The following NIPBL variants were observed in gnomAD, a reference collection of about 807,000 sequenced individuals.
NIPBL encodes nipped-B-like protein.
Under a neutral mutation model 321.8 loss-of-function variants are expected in NIPBL, and 19 were observed. That is an observed-to-expected ratio of 0.06 (90% confidence interval 0.04 to 0.09). NIPBL has a LOEUF of 0.09. Ranked by LOEUF, NIPBL falls within the 10% of genes least tolerant of loss-of-function variation. NIPBL has a pLI of 1.00. For missense variants in NIPBL, 2,210 were observed against 3,327.0 expected, an observed-to-expected ratio of 0.66 and a Z score of 8.26; for synonymous variants, 1,106 against 1,114.1, an observed-to-expected ratio of 0.99 and a Z score of 0.14.
At chr5:36,989,965 G>C (rs1381432259) in intron 10 of NIPBL, among the ~76,000 whole-genome samples, 1 of 149,942 alleles carries the variant, frequency 6.7e-6, no homozygotes, top group Non-Finnish European at 1.5e-5. Context: ...TTTAACTCCA[G>C]AGTGTCTCAA....
At chr5:36,994,803 A>G (rs761890341) in intron 10 of NIPBL, among the ~76,000 whole-genome samples, 8 of 151,976 alleles carry the variant, frequency 5.3e-5, no homozygotes, top group Non-Finnish European at 1.0e-4. Context: ...CTATTTGTGT[A>G]TGTGTTTGTG....
chr5:37,002,596 G>T, intron 14 of NIPBL, 66 bp from the exon 15 acceptor site: 1 of 1,084,618 alleles, frequency 9.2e-7, no homozygotes, highest in East Asian at 2.4e-5. Context: ...AGAAAGTTAA[G>T]CTTGACATTT....
intron 9 of NIPBL, among the ~76,000 whole-genome samples, chr5:36,982,041 C>A (rs1399309563): frequency 6.6e-6 from 1 of 151,676 alleles, no homozygotes; most frequent in African/African-American, 2.4e-5. Flanking sequence ...GTTTGTTTTT[C>A]TTGTAAGCGT....
At chr5:36,921,378 A>G (rs766843857) in intron 1 of NIPBL, among the ~76,000 whole-genome samples, 27 of 152,214 alleles carry the variant, frequency 1.8e-4, no homozygotes, top group Non-Finnish European at 3.5e-4. Flanking sequence ...ATAGTCTGTT[A>G]TACTACTCAC....
At position 36,986,096 on chromosome 5, in the gene NIPBL, G is replaced by T. The variant is rs1382410811; in HGVS notation, c.2916G>T (p.Glu972Asp). 70 of 1,613,638 alleles carry T rather than the reference G, an allele frequency of 4.3e-5. No homozygotes were observed. Among genetic ancestry groups the T allele is most frequent in the Non-Finnish European group, 5.9e-5 (70 of 1,179,890 alleles). Reference sequence around the variant, plus strand: ...ATAAAGATGGCAATGTTACTCAGGAGACAAAGAAAATGGAAATGAAAGGAG... The same window carrying T: ...ATAAAGATGGCAATGTTACTCAGGATACAAAGAAAATGGAAATGAAAGGAG... ...KRDKDGNVTQETKKMEMKGEP... is the reference protein window; with the variant it reads ...KRDKDGNVTQDTKKMEMKGEP... The change falls in exon 10 of 47, where the codon GAG becomes GAT. Residue 972 changes from glutamate to aspartate, a missense_variant. By Grantham distance (45) the Glu-to-Asp change is conservative (BLOSUM62 2). Coordinates refer to ENST00000282516, the MANE Select transcript of NIPBL (RefSeq NM_133433.4).
At chr5:37,009,153 G>C (rs562669369) in intron 20 of NIPBL, among the ~76,000 whole-genome samples, 33 of 152,036 alleles carry the variant, frequency 2.2e-4, no homozygotes, top group Non-Finnish European at 3.4e-4. Context: ...TAGTCAGTGA[G>C]AAGATCTTGT....
At chr5:36,882,503 G>A (rs1580133915) in intron 1 of NIPBL, among the ~76,000 whole-genome samples, 1 of 151,936 alleles carries the variant, frequency 6.6e-6, no homozygotes, top group Non-Finnish European at 1.5e-5. Context: ...AAGGATTTCA[G>A]AGTTGATACT....
chr5:36,957,876 G>A (rs918821766), intron 3 of NIPBL, among the ~76,000 whole-genome samples: 29 of 152,022 alleles, frequency 1.9e-4, no homozygotes, highest in African/African-American at 6.5e-4. Context: ...CCAGCTACTC[G>A]GGAGGCTGAG....
intron 1 of NIPBL, among the ~76,000 whole-genome samples, chr5:36,909,886 G>A (rs1189883009): frequency 6.6e-6 from 1 of 152,076 alleles, no homozygotes; most frequent in Non-Finnish European, 1.5e-5. Flanking sequence ...GACTATCCTG[G>A]CCAACGTGGT....
intron 21 of NIPBL, among the ~76,000 whole-genome samples, chr5:37,013,951 A>T (rs1467176204): frequency 1.3e-5 from 2 of 152,250 alleles, no homozygotes; most frequent in African/African-American, 4.8e-5. Context: ...TCCGTCTGCA[A>T]TCCCAGCACC....
At chr5:37,001,269 C>G (rs996296465) in intron 14 of NIPBL, among the ~76,000 whole-genome samples, 191 bp downstream of exon 14, 1 of 152,074 alleles carries the variant, frequency 6.6e-6, no homozygotes, top group Admixed American at 6.6e-5. Flanking sequence ...TTCTGAATCC[C>G]TAACTATGAT....
Position 37,063,994 on chromosome 5 carries a change from A to G in NIPBL, c.8049+16A>G. On this transcript the variant is annotated intron_variant, in intron 46 of 46. Transcript: ENST00000282516. ...CACTTCAGGGGTGAGGCGGAGGAGG[A>G]GTCAACGTATTTCGCAGCGTATTAC... 1 of 1,613,508 alleles carries G rather than the reference A, an allele frequency of 6.2e-7. No individual in the cohort carries two copies. Among genetic ancestry groups the G allele is most frequent in the Non-Finnish European group, 8.5e-7 (1 of 1,179,834 alleles).
intron 18 of NIPBL, among the ~76,000 whole-genome samples, chr5:37,007,719 G>A (rs936705225): frequency 5.9e-5 from 9 of 151,916 alleles, no homozygotes; most frequent in Non-Finnish European, 1.3e-4. Flanking sequence ...ATATTTTCAT[G>A]CAGATATTAA....
chr5:36,923,381 T>G (rs1242844136), intron 1 of NIPBL, among the ~76,000 whole-genome samples: 1 of 152,066 alleles, frequency 6.6e-6, no homozygotes, highest in South Asian at 2.1e-4. Context: ...CTCTGAGATA[T>G]ATATATATTT....
At chr5:37,011,450 G>T (rs1748110829) in intron 21 of NIPBL, among the ~76,000 whole-genome samples, 1 of 152,158 alleles carries the variant, frequency 6.6e-6, no homozygotes, top group Admixed American at 6.5e-5. Context: ...AGCTACTCAG[G>T]AGGCTGAAAC....
At position 36,968,126 on chromosome 5, in the gene NIPBL, C is replaced by T. The variant is rs367997066; in HGVS notation, c.611-2750C>T. On this transcript the variant is annotated intron_variant, in intron 6 of 46. Transcript: ENST00000282516. ...AAAAAAAAAAACAAAAAACAAAAAACGAATAAGCAGTGTTATCAACCTATA... is the reference window on the plus strand; with the variant it reads ...AAAAAAAAAAACAAAAAACAAAAAATGAATAAGCAGTGTTATCAACCTATA... Among the ~76,000 whole-genome samples, 120 of 137,800 alleles carry T rather than the reference C, an allele frequency of 8.7e-4. 1 individual carries two copies. The South Asian group carries it at 0.026, about 30-fold the overall frequency. The allele number at this position is 137,800 out of a possible 152,430, so 90.4% of individuals were successfully genotyped here. A position where few individuals can be genotyped will look rare whatever the true frequency, so the allele number is the denominator to read the frequency against.
intron 22 of NIPBL, among the ~76,000 whole-genome samples, chr5:37,015,773 A>T (rs531323503): frequency 1.3e-5 from 2 of 152,292 alleles, no homozygotes; most frequent in Admixed American, 6.5e-5. Flanking sequence ...GTAGAAAAAC[A>T]GTGATCATTT....
chr5:37,002,827 G>A, intron 15 of NIPBL, 62 bp downstream of exon 15: 1 of 966,046 alleles, frequency 1.0e-6, no homozygotes, highest in African/African-American at 1.6e-5. Context: ...TTAATTTAAG[G>A]TTTTCAGGGT....
intron 1 of NIPBL, among the ~76,000 whole-genome samples, chr5:36,926,606 C>G (rs1327156888): frequency 6.6e-6 from 1 of 152,112 alleles, no homozygotes; most frequent in Non-Finnish European, 1.5e-5. Flanking sequence ...TCACCTAGCC[C>G]CTTTCTGCTG....
Sources: allele counts gnomAD v4.1 joint callset (sites outside exome capture counted in the v4.1 genomes callset), GRCh38; gene constraint gnomAD v4.1.1; transcripts MANE v1.5; gene names NCBI Gene and HGNC (gene_info 2026-07-23, HGNC 2026-07-21).